The following NKAIN3 variants were observed in gnomAD, a reference collection of about 807,000 sequenced individuals.
The protein encoded by NKAIN3 is sodium/potassium transporting ATPase interacting 3.
A neutral mutation model predicts 30.2 loss-of-function variants in NKAIN3; 25 were observed. That is an observed-to-expected ratio of 0.83 (90% CI 0.60 to 1.16). NKAIN3 has a LOEUF of 1.16. NKAIN3 is among the 50% of genes most tolerant of loss of function. The pLI, the probability that NKAIN3 is intolerant of heterozygous loss-of-function variation, is 0.00. For missense variants in NKAIN3, 225 were observed against 254.1 expected (o/e 0.89, Z 0.78); for synonymous variants, 91 against 89.6 (o/e 1.02, Z -0.09).
At chr8:62,829,746 A>T (rs1264322086) in intron 4 of NKAIN3, among the ~76,000 whole-genome samples, 1 of 146,738 alleles carries the variant, frequency 6.8e-6, no homozygotes, top group Non-Finnish European at 1.5e-5. Context: ...GATAGATGAT[A>T]GATAGATAGA....
At chr8:62,652,361 T>C (rs1485173128) in intron 3 of NKAIN3, among the ~76,000 whole-genome samples, 1 of 152,206 alleles carries the variant, frequency 6.6e-6, no homozygotes, top group Non-Finnish European at 1.5e-5. Context: ...AATTTGGCAT[T>C]TAGACCAATT....
At chr8:62,406,526 A>G (rs1419776300) in intron 1 of NKAIN3, among the ~76,000 whole-genome samples, 1 of 152,200 alleles carries the variant, frequency 6.6e-6, no homozygotes, top group African/African-American at 2.4e-5. Context: ...ATATACATTT[A>G]TATTTGGAAG....
At chr8:62,827,017 G>A (rs1287565790) in intron 4 of NKAIN3, among the ~76,000 whole-genome samples, 1 of 152,052 alleles carries the variant, frequency 6.6e-6, no homozygotes, top group African/African-American at 2.4e-5. Context: ...TGGTATAGGT[G>A]GTTTAATTTT....
At chr8:62,635,031 C>G (rs960896939) in intron 3 of NKAIN3, among the ~76,000 whole-genome samples, 1 of 151,880 alleles carries the variant, frequency 6.6e-6, no homozygotes, top group African/African-American at 2.4e-5. Context: ...TCTAATTTAC[C>G]TGGGGGGTCG....
chr8:62,290,500 T>A (rs1055021115), intron 1 of NKAIN3, among the ~76,000 whole-genome samples: 2 of 152,194 alleles, frequency 1.3e-5, no homozygotes, highest in Non-Finnish European at 2.9e-5. Flanking sequence ...ATTGAGATAA[T>A]CATGTTTTTG....
intron 1 of NKAIN3, among the ~76,000 whole-genome samples, chr8:62,344,161 T>C (rs1815846903): frequency 6.6e-6 from 1 of 152,008 alleles, no homozygotes. Flanking sequence ...GAGCTGGACT[T>C]TGATGGACTC....
intron 2 of NKAIN3, among the ~76,000 whole-genome samples, chr8:62,584,231 A>G (rs2130082033): frequency 6.6e-6 from 1 of 152,328 alleles, no homozygotes; most frequent in Non-Finnish European, 1.5e-5. Flanking sequence ...CACCACACAG[A>G]TAGGTCAATT....
intron 4 of NKAIN3, among the ~76,000 whole-genome samples, chr8:62,757,678 G>T (rs971654646): frequency 6.6e-6 from 1 of 152,140 alleles, no homozygotes; most frequent in Non-Finnish European, 1.5e-5. Context: ...ATGGGAAGAA[G>T]GGAAAAGGAA....
chr8:62,529,941 C>G (rs1808435891), intron 1 of NKAIN3, among the ~76,000 whole-genome samples: 1 of 152,168 alleles, frequency 6.6e-6, no homozygotes. Flanking sequence ...CCTACCAGTT[C>G]TGGCACCATC....
intron 4 of NKAIN3, among the ~76,000 whole-genome samples, chr8:62,804,258 T>G (rs1317078842): frequency 6.6e-6 from 1 of 152,136 alleles, no homozygotes; most frequent in Non-Finnish European, 1.5e-5. Context: ...CCCTAACTCA[T>G]TTTATGAGGC....
chr8:62,845,664 A>G (rs1051349856), intron 4 of NKAIN3, among the ~76,000 whole-genome samples: 24 of 152,144 alleles, frequency 1.6e-4, no homozygotes, highest in Admixed American at 2.0e-4. Context: ...CATTCACATA[A>G]TAGGCCATAC....
chr8:62,752,787 T>G (rs1176155942), intron 4 of NKAIN3, among the ~76,000 whole-genome samples: 1 of 152,224 alleles, frequency 6.6e-6, no homozygotes, highest in Non-Finnish European at 1.5e-5. Flanking sequence ...ATTTTAGATT[T>G]ACAAAACCCA....
At chr8:62,577,269 A>G (rs759442706) in intron 1 of NKAIN3, among the ~76,000 whole-genome samples, 17 of 152,024 alleles carry the variant, frequency 1.1e-4, no homozygotes, top group Non-Finnish European at 2.1e-4. Context: ...TGCCTTGAAT[A>G]TAAAATGCAT....
chr8:62,471,775 C>A (rs574114684), intron 1 of NKAIN3, among the ~76,000 whole-genome samples: 1 of 152,156 alleles, frequency 6.6e-6, no homozygotes, highest in African/African-American at 2.4e-5. Flanking sequence ...AAGACCTCAC[C>A]TCCACAAAAA....
At chr8:62,570,902 C>T (rs898606207) in intron 1 of NKAIN3, among the ~76,000 whole-genome samples, 1 of 152,080 alleles carries the variant, frequency 6.6e-6, no homozygotes, top group Admixed American at 6.5e-5. Flanking sequence ...TGGCAGAATC[C>T]TAAGAAAGCA....
intron 4 of NKAIN3, among the ~76,000 whole-genome samples, chr8:62,851,568 A>G (rs894079539): frequency 2.0e-5 from 3 of 152,144 alleles, no homozygotes; most frequent in African/African-American, 4.8e-5. Context: ...GGTTTTGCCC[A>G]TTCAATATGA....
intron 1 of NKAIN3, among the ~76,000 whole-genome samples, chr8:62,306,418 A>C (rs997178193): frequency 4.7e-5 from 7 of 150,316 alleles, no homozygotes; most frequent in African/African-American, 1.8e-4. Flanking sequence ...TGCAATAATT[A>C]TAAGGAGGGC....
chr8:62,534,224 G>T (rs1304194829), intron 1 of NKAIN3, among the ~76,000 whole-genome samples: 1 of 152,144 alleles, frequency 6.6e-6, no homozygotes, highest in African/African-American at 2.4e-5. Context: ...GGAAGCCCGG[G>T]TCTGAGTTAA....
At chr8:62,876,216 T>TA (rs1161255339) in intron 4 of NKAIN3, among the ~76,000 whole-genome samples, 1 of 151,926 alleles carries the variant, frequency 6.6e-6, no homozygotes, top group Non-Finnish European at 1.5e-5. Context: ...AACAAACACA[T>TA]AAAAAAAGTT....
Sources: gnomAD v4.1 joint callset for allele counts (sites outside exome capture counted in the v4.1 genomes callset) on GRCh38, gnomAD v4.1.1 for gene constraint, MANE v1.5 for transcripts, NCBI Gene and HGNC (gene_info 2026-07-23, HGNC 2026-07-21) for gene names.